Variants in GALC observed in about 807,000 individuals in gnomAD.
GALC encodes the protein galactosylceramidase.
GALC carries 77 observed loss-of-function variants against 91.8 expected under a neutral mutation model. That is an observed-to-expected ratio of 0.84 (90% confidence interval 0.70 to 1.01). The LOEUF (loss-of-function observed/expected upper bound fraction) is 1.01, where lower values mean the gene tolerates loss of function less well. Ranked by LOEUF, GALC falls within the 50% of genes least tolerant of loss-of-function variation. The pLI, the probability that GALC is intolerant of heterozygous loss-of-function variation, is 0.00. For missense variants in GALC, 882 were observed against 855.9 expected, an observed-to-expected ratio of 1.03 and a Z score of -0.38; for synonymous variants, 357 against 306.7, an observed-to-expected ratio of 1.16 and a Z score of -1.71.
At chr14:87,984,216 G>A (rs1367143199) in intron 5 of GALC, among the ~76,000 whole-genome samples, 178 bp downstream of exon 5, 2 of 151,774 alleles carry the variant, frequency 1.3e-5, no homozygotes, top group Non-Finnish European at 2.9e-5. Context: ...CACTGGGATG[G>A]GCAAAGGGGA....
chr14:87,953,015 G>A, intron 10 of GALC: 1 of 1,143,908 alleles, frequency 8.7e-7, no homozygotes, highest in Non-Finnish European at 1.3e-6. Flanking sequence ...GTGCAGCTAT[G>A]TTGGATTTGG....
chr14:87,966,394 G>A (rs1026529851), intron 8 of GALC, among the ~76,000 whole-genome samples: 61 of 151,982 alleles, frequency 4.0e-4, no homozygotes, highest in African/African-American at 1.4e-3. Context: ...GGAAATCCAA[G>A]GACAAAAGGG....
At chr14:87,967,316 T>A (rs413420) in intron 8 of GALC, among the ~76,000 whole-genome samples, 1 of 152,000 alleles carries the variant, frequency 6.6e-6, no homozygotes, top group Admixed American at 6.6e-5. Context: ...ATCATAAGAC[T>A]GTAGGTGATT....
chr14:87,977,371 T>G (rs1368566409), intron 6 of GALC, among the ~76,000 whole-genome samples: 1 of 152,090 alleles, frequency 6.6e-6, no homozygotes, highest in Non-Finnish European at 1.5e-5. Flanking sequence ...TTGGGCCCCA[T>G]GAGGACTCTA....
chr14:87,948,947 T>C (rs1885192350), intron 12 of GALC, among the ~76,000 whole-genome samples: 1 of 152,046 alleles, frequency 6.6e-6, no homozygotes, highest in Non-Finnish European at 1.5e-5. Context: ...CTTTGAAACC[T>C]TTCCCCAGAA....
At chr14:87,992,282 C>CA in intron 1 of GALC, 2 of 1,535,484 alleles carry the variant, frequency 1.3e-6, no homozygotes, top group East Asian at 2.4e-5. Context: ...GATACAAAAC[C>CA]AAAAAACAAA....
chr14:87,972,212 T>C (rs1197262250), intron 7 of GALC, among the ~76,000 whole-genome samples: 3 of 152,158 alleles, frequency 2.0e-5, no homozygotes, highest in Non-Finnish European at 4.4e-5. Context: ...AAACAATAAA[T>C]ATGAACTACC....
intron 3 of GALC, chr14:87,987,930 A>T: frequency 1.8e-6 from 1 of 555,518 alleles, no homozygotes. Context: ...CTAAATAAGC[A>T]ATTTGAAGTT....
chr14:87,957,520 T>A (rs1024595703), intron 10 of GALC, among the ~76,000 whole-genome samples: 2 of 152,176 alleles, frequency 1.3e-5, no homozygotes, highest in Non-Finnish European at 2.9e-5. Flanking sequence ...TAGGATGTCC[T>A]TTCCCCAAAT....
rs1256272476 is a variant in GALC at position 87,970,826 on chromosome 14, G to A, written c.753-2336C>T. 4.3e-5 allele frequency among the ~76,000 whole-genome samples: 6 copies of A among 138,472 alleles called. No individual in the cohort carries two copies. The East Asian group carries it at 8.4e-4, about 19-fold the overall frequency. 90.8% of individuals were successfully genotyped at this position (138,472 alleles called of 152,430 possible). ...AAAGCTTGCAGTGAGCCGAGATTGC[G>A]CCACTGCACTCCAGCCTGGGCGACA... On this transcript the variant is annotated intron_variant, in intron 7 of 16. Coordinates refer to ENST00000261304, the MANE Select transcript of GALC (RefSeq NM_000153.4).
At chr14:87,957,499 C>G (rs1885606895) in intron 10 of GALC, among the ~76,000 whole-genome samples, 1 of 152,062 alleles carries the variant, frequency 6.6e-6, no homozygotes, top group Admixed American at 6.6e-5. Context: ...TTCCCAGAAC[C>G]ATTTATTAAA....
Position 87,986,475 on chromosome 14 carries a change from A to G in GALC, c.442+14T>C, listed in dbSNP as rs1886975110. The G allele has an allele frequency of 6.8e-7, 1 of 1,468,842 alleles. No individual in the cohort carries two copies. Among genetic ancestry groups the G allele is most frequent in the Non-Finnish European group, 9.5e-7 (1 of 1,048,324 alleles). The allele number at this position is 1,468,842 out of a possible 1,614,324, so 91.0% of individuals were successfully genotyped here. On this transcript the variant is annotated intron_variant, in intron 4 of 16. Transcript: ENST00000261304. Reference sequence around the variant, plus strand: ...AAAAGAGACTGAAGAAACATTGCAAACTTCATTTCTTACCAATGAGTGTAA... The same window carrying G: ...AAAAGAGACTGAAGAAACATTGCAAGCTTCATTTCTTACCAATGAGTGTAA...
At chr14:87,962,575 T>C (rs543955428) in intron 10 of GALC, among the ~76,000 whole-genome samples, 46 of 127,472 alleles carry the variant, frequency 3.6e-4, no homozygotes, top group East Asian at 2.0e-3. Flanking sequence ...GAACCTGATA[T>C]GATACACACA....
intron 16 of GALC, among the ~76,000 whole-genome samples, chr14:87,936,916 A>ATATATATATATATATATATATATAT (rs1431339979): frequency 1.4e-5 from 2 of 139,570 alleles, no homozygotes; most frequent in African/African-American, 2.8e-5. Context: ...ATATATATTT[A>ATATATATATATATATATATATATAT]TTTATTTTCT....
At chr14:87,985,019 A>G (rs945453148) in intron 4 of GALC, among the ~76,000 whole-genome samples, 1 of 152,212 alleles carries the variant, frequency 6.6e-6, no homozygotes, top group African/African-American at 2.4e-5. Context: ...AATATTAATC[A>G]GTCAGGCAAT....
In GALC at chr14:87,950,720, G is replaced by A. The variant is rs746358292; in HGVS notation, c.1190C>T (p.Pro397Leu). The change falls in exon 11 of 17, where the codon CCA (proline) becomes CTA (leucine). Residue 397 changes from proline to leucine, a missense_variant. By Grantham distance (98) the Pro-to-Leu change is moderately conservative (BLOSUM62 -3). Transcript: ENST00000261304. ...TGACACATTGAAATAAGGAAGAAATGGCCGTATGCACTTAGAATGTTTATG... is the reference window on the plus strand; with the variant it reads ...TGACACATTGAAATAAGGAAGAAATAGCCGTATGCACTTAGAATGTTTATG... ...MSHKHSKCIR[P>L]FLPYFNVSQQ... The A allele has an allele frequency of 6.2e-7, 1 of 1,603,288 alleles. No homozygotes were observed. Among genetic ancestry groups the A allele is most frequent in the Non-Finnish European group, 8.5e-7 (1 of 1,174,100 alleles).
intron 10 of GALC, among the ~76,000 whole-genome samples, chr14:87,957,702 A>G (rs1253854107): frequency 6.6e-6 from 1 of 152,212 alleles, no homozygotes; most frequent in African/African-American, 2.4e-5. Flanking sequence ...AATCAGCAGC[A>G]CTGCTATATA....
intron 8 of GALC, among the ~76,000 whole-genome samples, 186 bp downstream of exon 8, chr14:87,968,149 A>G (rs181043332): frequency 1.3e-5 from 2 of 152,158 alleles, no homozygotes; most frequent in Non-Finnish European, 2.9e-5. Context: ...TTTAATATAG[A>G]CTATATTCAA....
At chr14:87,966,457 C>T (rs1201284688) in intron 8 of GALC, among the ~76,000 whole-genome samples, 1 of 152,028 alleles carries the variant, frequency 6.6e-6, no homozygotes, top group Non-Finnish European at 1.5e-5. Flanking sequence ...AAAAACAAAG[C>T]TTACCCACAG....
Sources: gnomAD v4.1 joint callset for allele counts (sites outside exome capture counted in the v4.1 genomes callset) on GRCh38, gnomAD v4.1.1 for gene constraint, MANE v1.5 for transcripts, NCBI Gene and HGNC (gene_info 2026-07-23, HGNC 2026-07-21) for gene names.